Variants in ADAMTS3 observed in about 807,000 individuals in gnomAD.
ADAMTS3 encodes A disintegrin and metalloproteinase with thrombospondin motifs 3.
A neutral mutation model predicts 129.0 loss-of-function variants in ADAMTS3; 73 were observed. The observed-to-expected ratio is 0.57, with a 90% CI of 0.47 to 0.69. The LOEUF (loss-of-function observed/expected upper bound fraction) is 0.69, where lower values mean the gene tolerates loss of function less well. Ranked by LOEUF, ADAMTS3 falls within the 30% of genes least tolerant of loss-of-function variation. The probability of loss-of-function intolerance (pLI) is 0.00; values close to 1 mark genes in which losing one functional copy is unlikely to be tolerated. For missense variants in ADAMTS3, 1,457 were observed against 1,514.5 expected (o/e 0.96, Z 0.63); for synonymous variants, 477 against 510.8 (o/e 0.93, Z 0.89).
In ADAMTS3 at chr4:72,283,255, C is replaced by T. The variant is rs755090549; in HGVS notation, c.3499G>A (p.Ala1167Thr). 1 of 1,613,878 alleles carries T rather than the reference C, an allele frequency of 6.2e-7. No individual in the cohort carries two copies. The highest frequency in any genetic ancestry group is 8.5e-7 in the Non-Finnish European group (1 of 1,179,956). ...HLSSASQMAA[A>T]SFFAASDSIG... The stretch of plus-strand genomic sequence containing the variant: ...GAATCACTGGCTGCAAAGAAGGAAG[C>T]AGCAGCCATTTGTGAAGCTGAACTG... Residue 1167 changes from alanine to threonine, a missense_variant, in exon 22 of 22, where the codon GCT becomes ACT. By Grantham distance (58) the Ala-to-Thr change is moderately conservative (BLOSUM62 0). Transcript: ENST00000286657.
chr4:72,451,319 A>C (rs1718398572), intron 3 of ADAMTS3, among the ~76,000 whole-genome samples: 1 of 151,810 alleles, frequency 6.6e-6, no homozygotes, highest in Admixed American at 6.6e-5. Context: ...TGTCAGGGGA[A>C]AAAAAGTTGA....
chr4:72,563,919 T>C (rs895480568), intron 2 of ADAMTS3, among the ~76,000 whole-genome samples: 2 of 152,200 alleles, frequency 1.3e-5, no homozygotes, highest in Non-Finnish European at 2.9e-5. Flanking sequence ...TGAGGGTTAA[T>C]CTAGTGACAA....
chr4:72,556,999 T>C lies in ADAMTS3; in HGVS notation c.98-8115A>G, dbSNP rs562753413. On this transcript the variant is annotated intron_variant, in intron 2 of 21. Transcript: ENST00000286657. ...CAGAGGGCCTAAAATCCAATCTGGC[T>C]GTAACAATCCATGCCCCATTACCCA... Among the ~76,000 whole-genome samples, 179 of 151,820 alleles carry C rather than the reference T, an allele frequency of 1.2e-3. 8 individuals are homozygous for C. Among genetic ancestry groups the C allele is most frequent in the African/African-American group, 4.3e-3 (175 of 41,150 alleles).
chr4:72,295,508 TTA>T, intron 19 of ADAMTS3, 144 bp downstream of exon 19: 1 of 749,518 alleles, frequency 1.3e-6, no homozygotes, highest in Non-Finnish European at 2.0e-6. Context: ...AACTGCAGCT[TTA>T]TATAATTCCT....
intron 4 of ADAMTS3, among the ~76,000 whole-genome samples, chr4:72,347,272 T>G (rs1176935762): frequency 2.6e-5 from 4 of 151,182 alleles, no homozygotes; most frequent in Non-Finnish European, 5.9e-5. Flanking sequence ...CATTTTCTTA[T>G]TTTACTGCTT....
intron 3 of ADAMTS3, among the ~76,000 whole-genome samples, chr4:72,483,167 A>G (rs572985628): frequency 2.5e-4 from 38 of 152,056 alleles, no homozygotes; most frequent in African/African-American, 8.7e-4. Flanking sequence ...ATGAGGCAAG[A>G]AAAAAAAGGC....
intron 4 of ADAMTS3, among the ~76,000 whole-genome samples, chr4:72,352,724 T>C (rs1720472754): frequency 6.6e-6 from 1 of 151,970 alleles, no homozygotes; most frequent in Non-Finnish European, 1.5e-5. Flanking sequence ...GGAGGTGACA[T>C]CTGAAATGGA....
intron 6 of ADAMTS3, 43 bp from the exon 7 acceptor site, chr4:72,320,913 C>T: frequency 6.3e-7 from 1 of 1,575,520 alleles, no homozygotes. Context: ...GACAATTTCC[C>T]AAAGGCTTCG....
chr4:72,527,343 C>G (rs1720841854), intron 3 of ADAMTS3, among the ~76,000 whole-genome samples: 1 of 152,124 alleles, frequency 6.6e-6, no homozygotes, highest in African/African-American at 2.4e-5. Flanking sequence ...CATACCTTTT[C>G]TTTATAGCAT....
intron 3 of ADAMTS3, among the ~76,000 whole-genome samples, chr4:72,460,788 A>G (rs1161704927): frequency 1.3e-5 from 2 of 151,634 alleles, no homozygotes; most frequent in African/African-American, 2.4e-5. Context: ...TGAAGATACC[A>G]CTATAAAATT....
rs184540861 is a variant in ADAMTS3 at position 72,296,938 on chromosome 4, A to G, written c.2591-1152T>C. On this transcript the variant is annotated intron_variant, in intron 18 of 21. Transcript: ENST00000286657. ...TTACTAGTTTTGAAATTTAAAAACTATTTGTTTTATAAAATGTTCCGAAAT... is the reference window on the plus strand; with the variant it reads ...TTACTAGTTTTGAAATTTAAAAACTGTTTGTTTTATAAAATGTTCCGAAAT... 1.3e-3 allele frequency among the ~76,000 whole-genome samples: 204 copies of G among 152,142 alleles called. 1 individual carries two copies. Among genetic ancestry groups the G allele is most frequent in the African/African-American group, 4.8e-3 (198 of 41,528 alleles).
chr4:72,317,035 G>T (rs1719416045), intron 10 of ADAMTS3, among the ~76,000 whole-genome samples: 1 of 152,046 alleles, frequency 6.6e-6, no homozygotes, highest in Non-Finnish European at 1.5e-5. Flanking sequence ...ATGTGTATTT[G>T]TGTGTTCTCT....
rs1023304637 is a variant in ADAMTS3, at chr4:72,283,256, A to T, written c.3498T>A (p.Ala1166=). The change falls in exon 22 of 22, where the codon GCT becomes GCA. Residue 1166 remains alanine (A), a synonymous_variant. Coordinates refer to ENST00000286657, the MANE Select transcript of ADAMTS3 (RefSeq NM_014243.3). The part of the protein sequence containing the change: ...VHLSSASQMA[A]ASFFAASDSI... Reference sequence around the variant, plus strand: ...AATCACTGGCTGCAAAGAAGGAAGCAGCAGCCATTTGTGAAGCTGAACTGA... The same window carrying T: ...AATCACTGGCTGCAAAGAAGGAAGCTGCAGCCATTTGTGAAGCTGAACTGA... 9 of 1,613,914 alleles carry T rather than the reference A, an allele frequency of 5.6e-6. No homozygotes were observed. The African/African-American group carries it at 1.2e-4, about 22-fold the overall frequency.
chr4:72,549,909 A>G (rs2109789596), intron 2 of ADAMTS3, among the ~76,000 whole-genome samples: 1 of 147,766 alleles, frequency 6.8e-6, no homozygotes, highest in South Asian at 2.2e-4. Flanking sequence ...CCACAGGACA[A>G]TGGATACTAG....
At chr4:72,331,103 C>G (rs535554587) in intron 5 of ADAMTS3, among the ~76,000 whole-genome samples, 1 of 152,126 alleles carries the variant, frequency 6.6e-6, no homozygotes, top group East Asian at 1.9e-4. Flanking sequence ...GCAACTGAGA[C>G]GCTTCAGTAA....
At chr4:72,423,796 A>T (rs1722504093) in intron 3 of ADAMTS3, among the ~76,000 whole-genome samples, 1 of 152,102 alleles carries the variant, frequency 6.6e-6, no homozygotes, top group Admixed American at 6.6e-5. Flanking sequence ...CTGAAGCTGT[A>T]TTCGCAAACC....
At chr4:72,413,674 TC>T (rs1271218912) in intron 4 of ADAMTS3, among the ~76,000 whole-genome samples, 1 of 151,950 alleles carries the variant, frequency 6.6e-6, no homozygotes, top group Non-Finnish European at 1.5e-5. Context: ...ATATATTACT[TC>T]TTTTTTCATT....
chr4:72,491,016 G>A (rs1030538778), intron 3 of ADAMTS3, among the ~76,000 whole-genome samples: 1 of 151,694 alleles, frequency 6.6e-6, no homozygotes, highest in Admixed American at 6.6e-5. Context: ...ATAGTTTTTA[G>A]TGTACAAGTC....
chr4:72,548,318 A>C (rs962356363), intron 3 of ADAMTS3, among the ~76,000 whole-genome samples, 160 bp downstream of exon 3: 4 of 152,150 alleles, frequency 2.6e-5, no homozygotes, highest in African/African-American at 9.7e-5. Context: ...GCCAAAATGC[A>C]TATCTTTGAC....
Sources: allele counts gnomAD v4.1 joint callset (sites outside exome capture counted in the v4.1 genomes callset), GRCh38; gene constraint gnomAD v4.1.1; transcripts MANE v1.5; gene names NCBI Gene and HGNC (gene_info 2026-07-23, HGNC 2026-07-21).